LRRC53: variants seen among roughly 807,000 people sequenced by gnomAD.
LRRC53 encodes the protein leucine rich repeat containing 53.
In LRRC53, 25 loss-of-function variants were observed where a neutral mutation model predicts 13.6. The observed-to-expected ratio is 1.83, with a 90% confidence interval of 1.34 to 2.56. The LOEUF (loss-of-function observed/expected upper bound fraction) is 2.56. Ranked by LOEUF, LRRC53 falls within the 30% of genes most tolerant of loss-of-function variation. LRRC53 has a pLI of 0.00. For synonymous variants in LRRC53, 204 were observed against 109.8 expected (o/e 1.86, Z -5.37); for missense variants, 527 against 275.8 (o/e 1.91, Z -6.45).
intron 1 of LRRC53, among the ~76,000 whole-genome samples, chr1:74,499,463 A>C (rs1012158039): frequency 3.3e-5 from 5 of 152,146 alleles, no homozygotes; most frequent in Non-Finnish European, 5.9e-5. Context: ...ATGTTGTTGT[A>C]ATTGTTCTAT....
chr1:74,522,523 A>G, the LRRC53 span, among the ~76,000 whole-genome samples: 1 of 152,092 alleles, frequency 6.6e-6, no homozygotes, highest in Non-Finnish European at 1.5e-5. Flanking sequence ...AGTATAGAAG[A>G]CCTACTCCTG....
At chr1:74,497,007 T>A (rs1184960787) in intron 1 of LRRC53, among the ~76,000 whole-genome samples, 2 of 152,192 alleles carry the variant, frequency 1.3e-5, no homozygotes, top group East Asian at 1.9e-4. Flanking sequence ...AGTTTGGAAC[T>A]GTAAAACAGA....
At chr1:74,493,785 G>A (rs974068410) in intron 1 of LRRC53, among the ~76,000 whole-genome samples, 1 of 152,136 alleles carries the variant, frequency 6.6e-6, no homozygotes, top group African/African-American at 2.4e-5. Flanking sequence ...TAACTCAAGA[G>A]GACAAGCCCA....
the LRRC53 span, among the ~76,000 whole-genome samples, chr1:74,529,660 G>A: frequency 6.6e-6 from 1 of 152,194 alleles, no homozygotes; most frequent in Non-Finnish European, 1.5e-5. Flanking sequence ...AAAGTATTTG[G>A]GAGATGATGG....
chr1:74,481,786 C>G (rs928145971), intron 2 of LRRC53, among the ~76,000 whole-genome samples: 9 of 152,186 alleles, frequency 5.9e-5, no homozygotes, highest in African/African-American at 2.2e-4. Context: ...TGTAACACAT[C>G]TTTATCATGC....
chr1:74,493,132 G>A (rs979299510), intron 1 of LRRC53, among the ~76,000 whole-genome samples: 4 of 152,122 alleles, frequency 2.6e-5, no homozygotes, highest in Non-Finnish European at 5.9e-5. Context: ...AATTTGAGGA[G>A]GGTCACACTC....
At chr1:74,531,858 TG>T in the LRRC53 span, among the ~76,000 whole-genome samples, 1 of 152,208 alleles carries the variant, frequency 6.6e-6, no homozygotes, top group Non-Finnish European at 1.5e-5. Flanking sequence ...TAGGTAACAT[TG>T]TTATGACAGA....
the LRRC53 span, among the ~76,000 whole-genome samples, chr1:74,529,807 T>C: frequency 6.6e-6 from 1 of 152,220 alleles, no homozygotes; most frequent in East Asian, 1.9e-4. Context: ...TTCAGCCATT[T>C]GATTCCAAAG....
At chr1:74,472,681 A>G (rs1667997194) in intron 4 of LRRC53, among the ~76,000 whole-genome samples, 1 of 152,118 alleles carries the variant, frequency 6.6e-6, no homozygotes. Flanking sequence ...TTGCAATACT[A>G]TTGACTCAAT....
chr1:74,533,909 A>T, the LRRC53 span, among the ~76,000 whole-genome samples: 32 of 152,344 alleles, frequency 2.1e-4, no homozygotes, highest in African/African-American at 7.5e-4. Context: ...TAGTAGAAAG[A>T]GTATGGAATG....
intron 1 of LRRC53, among the ~76,000 whole-genome samples, chr1:74,487,783 ATTTTG>A (rs1284474825): frequency 1.3e-5 from 2 of 152,102 alleles, no homozygotes; most frequent in Non-Finnish European, 2.9e-5. Context: ...CTCTTGTTTT[ATTTTG>A]TTTTGTTTTA....
intron 1 of LRRC53, among the ~76,000 whole-genome samples, chr1:74,510,527 A>G (rs1198077858): frequency 6.6e-6 from 1 of 152,126 alleles, no homozygotes; most frequent in Non-Finnish European, 1.5e-5. Flanking sequence ...TAAAATGAGA[A>G]AAAAATTATT....
the LRRC53 span, among the ~76,000 whole-genome samples, chr1:74,532,944 C>A: frequency 1.3e-5 from 2 of 152,148 alleles, no homozygotes; most frequent in East Asian, 1.9e-4. Context: ...AAACGCTAGA[C>A]CTAAAACCAT....
intron 1 of LRRC53, among the ~76,000 whole-genome samples, chr1:74,502,319 A>C (rs1451362922): frequency 6.6e-6 from 1 of 152,234 alleles, no homozygotes; most frequent in Non-Finnish European, 1.5e-5. Context: ...TGTGATGTAC[A>C]TGAACATAAT....
chr1:74,475,116 C>CCCCACA (rs371437916), intron 4 of LRRC53, among the ~76,000 whole-genome samples, 179 bp downstream of exon 4: 2 of 135,912 alleles, frequency 1.5e-5, no homozygotes, highest in Non-Finnish European at 3.1e-5. Flanking sequence ...CCACCTCAGC[C>CCCCACA]CACACACACA....
intron 1 of LRRC53, among the ~76,000 whole-genome samples, chr1:74,500,911 T>C (rs1443773398): frequency 3.3e-5 from 5 of 152,120 alleles, no homozygotes; most frequent in Admixed American, 2.6e-4. Context: ...TTATCTTTGG[T>C]ATCCTACAGT....
At chr1:74,494,130 G>T (rs1256055805) in intron 1 of LRRC53, among the ~76,000 whole-genome samples, 2 of 152,032 alleles carry the variant, frequency 1.3e-5, no homozygotes, top group African/African-American at 4.8e-5. Context: ...CTCCGTCCAC[G>T]TGAGCACCAA....
the LRRC53 span, among the ~76,000 whole-genome samples, chr1:74,536,048 A>C: frequency 1.3e-5 from 2 of 152,150 alleles, no homozygotes; most frequent in South Asian, 4.1e-4. Context: ...GAGTGCAGAA[A>C]ACTTCTGTTT....
chr1:74,500,244 A>G (rs1415211872), intron 1 of LRRC53, among the ~76,000 whole-genome samples: 1 of 152,002 alleles, frequency 6.6e-6, no homozygotes, highest in African/African-American at 2.4e-5. Flanking sequence ...ACTATGTTTT[A>G]TTTAGGCTTA....
Sources: allele counts gnomAD v4.1 joint callset (sites outside exome capture counted in the v4.1 genomes callset), GRCh38; gene constraint gnomAD v4.1.1; transcripts MANE v1.5; gene names NCBI Gene and HGNC (gene_info 2026-07-23, HGNC 2026-07-21).